Variants in KHDRBS2 observed in about 807,000 individuals in gnomAD.
The protein encoded by KHDRBS2 is KH RNA binding domain containing, signal transduction associated 2.
KHDRBS2 carries 26 observed loss-of-function variants against 44.3 expected under a neutral mutation model. The observed-to-expected ratio is 0.59, with a 90% CI of 0.43 to 0.81. The LOEUF is 0.81. Among genes scored for constraint, KHDRBS2 ranks in the 40% least tolerant of loss-of-function variants. The pLI is 0.00. For missense variants in KHDRBS2, 476 were observed against 433.1 expected (o/e 1.10, Z -0.88); for synonymous variants, 194 against 151.1 (o/e 1.28, Z -2.08).
chr6:61,682,842 CTG>C (rs1766448167), intron 8 of KHDRBS2, among the ~76,000 whole-genome samples: 2 of 151,876 alleles, frequency 1.3e-5, no homozygotes, highest in South Asian at 4.1e-4. Flanking sequence ...CTAAATAAAA[CTG>C]TTTTTGGTGT....
chr6:62,026,309 A>G (rs550687822), intron 3 of KHDRBS2, among the ~76,000 whole-genome samples: 4 of 151,852 alleles, frequency 2.6e-5, no homozygotes, highest in East Asian at 3.9e-4. Context: ...CTCATAAAAA[A>G]ACCGTGAGAA....
intron 1 of KHDRBS2, among the ~76,000 whole-genome samples, chr6:62,207,873 A>C (rs150500253): frequency 6.6e-6 from 1 of 152,306 alleles, no homozygotes; most frequent in East Asian, 1.9e-4. Flanking sequence ...AAAATAACAT[A>C]CACATCATCT....
the KHDRBS2 span, among the ~76,000 whole-genome samples, chr6:61,573,591 A>G: frequency 6.6e-6 from 1 of 152,300 alleles, no homozygotes; most frequent in Admixed American, 6.5e-5. Context: ...GGAGTTTGAG[A>G]TCAGCCTAAC....
At chr6:62,172,867 T>C (rs952803219) in intron 2 of KHDRBS2, among the ~76,000 whole-genome samples, 5 of 151,960 alleles carry the variant, frequency 3.3e-5, no homozygotes, top group Admixed American at 1.3e-4. Context: ...AAGGCAGAAA[T>C]CAAGAATTTC....
intron 8 of KHDRBS2, 39 bp from the exon 9 acceptor site, chr6:61,681,099 C>G (rs1375824782): frequency 7.3e-7 from 1 of 1,361,488 alleles, no homozygotes; most frequent in Admixed American, 1.8e-5. Flanking sequence ...CACATGACTT[C>G]ACAGTTACCA....
At chr6:61,592,680 T>C in the KHDRBS2 span, among the ~76,000 whole-genome samples, 49 of 152,310 alleles carry the variant, frequency 3.2e-4, no homozygotes, top group African/African-American at 1.1e-3. Context: ...GAAATATTTT[T>C]GTTTTTTTTT....
At chr6:61,960,150 C>A (rs894875768) in intron 4 of KHDRBS2, among the ~76,000 whole-genome samples, 11 of 152,036 alleles carry the variant, frequency 7.2e-5, no homozygotes, top group Admixed American at 1.3e-4. Flanking sequence ...AAAGTACTCA[C>A]CTTAAAACCC....
At chr6:61,690,797 G>A (rs1582179584) in intron 8 of KHDRBS2, among the ~76,000 whole-genome samples, 2 of 152,086 alleles carry the variant, frequency 1.3e-5, no homozygotes, top group African/African-American at 4.8e-5. Context: ...CATCCTTTCA[G>A]TAGTCATGAG....
intron 2 of KHDRBS2, among the ~76,000 whole-genome samples, chr6:62,119,011 T>C (rs1429594505): frequency 6.6e-6 from 1 of 152,106 alleles, no homozygotes; most frequent in African/African-American, 2.4e-5. Context: ...ATCCTACTGG[T>C]TTTGTACCTC....
At chr6:62,072,327 C>T (rs1308726906) in intron 2 of KHDRBS2, among the ~76,000 whole-genome samples, 1 of 152,064 alleles carries the variant, frequency 6.6e-6, no homozygotes, top group Non-Finnish European at 1.5e-5. Context: ...ATTGAATATC[C>T]TTTTATTTCC....
chr6:61,840,891 A>T (rs2127271697), intron 6 of KHDRBS2, among the ~76,000 whole-genome samples: 1 of 152,270 alleles, frequency 6.6e-6, no homozygotes, highest in South Asian at 2.1e-4. Flanking sequence ...ATCTTCATAA[A>T]TGGAAATGGA....
At chr6:62,230,896 C>G (rs1366308113) in intron 1 of KHDRBS2, among the ~76,000 whole-genome samples, 1 of 151,922 alleles carries the variant, frequency 6.6e-6, no homozygotes, top group Non-Finnish European at 1.5e-5. Context: ...AGAATTGTAT[C>G]AAAACAAATT....
chr6:61,838,427 T>C (rs1051980521), intron 6 of KHDRBS2, among the ~76,000 whole-genome samples: 3 of 152,048 alleles, frequency 2.0e-5, no homozygotes, highest in African/African-American at 7.2e-5. Flanking sequence ...ATTATACTTA[T>C]TTCTTGAATC....
chr6:62,035,296 G>A (rs565662061), intron 3 of KHDRBS2, among the ~76,000 whole-genome samples: 2 of 151,950 alleles, frequency 1.3e-5, no homozygotes, highest in African/African-American at 4.8e-5. Flanking sequence ...ACACAATGGA[G>A]TACTATTCAG....
chr6:62,167,958 T>C (rs1819055935), intron 2 of KHDRBS2, among the ~76,000 whole-genome samples: 1 of 152,142 alleles, frequency 6.6e-6, no homozygotes, highest in Non-Finnish European at 1.5e-5. Flanking sequence ...GGGTATTTCA[T>C]CTTTTGATGT....
At chr6:61,581,105 C>T in the KHDRBS2 span, among the ~76,000 whole-genome samples, 1 of 152,166 alleles carries the variant, frequency 6.6e-6, no homozygotes, top group Non-Finnish European at 1.5e-5. Context: ...CCCTTTTCTA[C>T]TCATCCCCAA....
chr6:62,271,181 G>A (rs1840031641), intron 1 of KHDRBS2, among the ~76,000 whole-genome samples: 1 of 152,094 alleles, frequency 6.6e-6, no homozygotes, highest in Admixed American at 6.6e-5. Flanking sequence ...GTATGTGTAT[G>A]TGTATATATA....
In KHDRBS2 at chr6:62,108,944, T is replaced by C. The variant is rs117894423; in HGVS notation, c.220-60950A>G. ...GGGTACATCACACTTTGGGGACTGT[T>C]GTGAGGTGGGAGGACGAGGGGAGGG... On this transcript the variant is annotated intron_variant, in intron 2 of 8. Transcript: ENST00000281156. Among the ~76,000 whole-genome samples the C allele has an allele frequency of 4.6e-3, 705 of 152,072 alleles. 7 individuals carry two copies. The highest frequency in any genetic ancestry group is 0.038 in the East Asian group (195 of 5,156).
chr6:61,820,013 G>T (rs1283213068), intron 6 of KHDRBS2, among the ~76,000 whole-genome samples: 1 of 152,016 alleles, frequency 6.6e-6, no homozygotes, highest in African/African-American at 2.4e-5. Flanking sequence ...GCACAGGAAG[G>T]TTCATTAACT....
Sources: gnomAD v4.1 joint callset for allele counts (sites outside exome capture counted in the v4.1 genomes callset) on GRCh38, gnomAD v4.1.1 for gene constraint, MANE v1.5 for transcripts, NCBI Gene and HGNC (gene_info 2026-07-23, HGNC 2026-07-21) for gene names.